The following REEP3 variants were observed in gnomAD, a reference collection of about 807,000 sequenced individuals.
The protein encoded by REEP3 is receptor expression-enhancing protein 3.
REEP3 carries 20 observed loss-of-function variants against 41.3 expected under a neutral mutation model. That is an observed-to-expected ratio of 0.48 (90% CI 0.34 to 0.70). The LOEUF (loss-of-function observed/expected upper bound fraction) is 0.70, where lower values mean the gene tolerates loss of function less well. Ranked by LOEUF, REEP3 falls within the 30% of genes least tolerant of loss-of-function variation. The pLI, the probability that REEP3 is intolerant of heterozygous loss-of-function variation, is 0.01. For synonymous variants in REEP3, 104 were observed against 101.8 expected, an observed-to-expected ratio of 1.02 and a Z score of -0.13; for missense variants, 271 against 308.8, an observed-to-expected ratio of 0.88 and a Z score of 0.92.
In REEP3 at chr10:63,593,255, TTA is replaced by T. The variant is rs543170464; in HGVS notation, c.106-1516_106-1515del. ...TAAAACTAATAGGTCAATTTCCCAG[TTA>T]TATATAAGGACCTAAATTTTTTTGT... On this transcript the variant is annotated intron_variant, in intron 2 of 7. Coordinates refer to ENST00000373758, the MANE Select transcript of REEP3 (RefSeq NM_001001330.3). 7.0e-3 allele frequency among the ~76,000 whole-genome samples: 1,069 copies of T among 152,276 alleles called. 5 individuals carry two copies. The highest frequency in any genetic ancestry group is 9.9e-3 in the Non-Finnish European group (670 of 68,012).
chr10:63,615,678 G>A (rs996207768), intron 6 of REEP3, among the ~76,000 whole-genome samples: 40 of 152,004 alleles, frequency 2.6e-4, no homozygotes, highest in African/African-American at 8.9e-4. Flanking sequence ...CCGAGTAGCT[G>A]GGATTACAGG....
At chr10:63,521,662 G>C (rs1409486785) in intron 1 of REEP3, 85 bp downstream of exon 1, 2 of 1,017,604 alleles carry the variant, frequency 2.0e-6, no homozygotes, top group South Asian at 2.8e-5. Context: ...GAAAGGGAAG[G>C]CCTGGGCCTG....
intron 1 of REEP3, among the ~76,000 whole-genome samples, chr10:63,527,789 C>T (rs59608058): frequency 0.15 from 22,095 of 152,110 alleles, 3,812 homozygotes; most frequent in African/African-American, 0.42. Flanking sequence ...AGACTTTTCT[C>T]TCCTTCCACT....
chr10:63,597,541 C>G (rs923790362), intron 3 of REEP3, among the ~76,000 whole-genome samples: 17 of 152,206 alleles, frequency 1.1e-4, no homozygotes, highest in African/African-American at 1.7e-4. Context: ...TCAGGTCACA[C>G]ATTCATGAAC....
At chr10:63,604,711 T>TA (rs1956207334) in intron 5 of REEP3, among the ~76,000 whole-genome samples, 2 of 152,262 alleles carry the variant, frequency 1.3e-5, no homozygotes, top group South Asian at 4.1e-4. Context: ...CTATTTTTCC[T>TA]AAAATCTAGG....
At chr10:63,618,237 C>CTTTTTTTTTTTTTT (rs60115766) in intron 6 of REEP3, among the ~76,000 whole-genome samples, 3 of 66,594 alleles carry the variant, frequency 4.5e-5, no homozygotes, top group Non-Finnish European at 5.8e-5. Context: ...TTTCCTTCTT[C>CTTTTTTTTTTTTTT]TTTTTTTTTT....
rs1254777402 is a variant in REEP3 at position 63,523,998 on chromosome 10, T to TAGCTCAA, written c.32+2421_32+2422insAGCTCAA. 9.2e-4 allele frequency among the ~76,000 whole-genome samples: 140 copies of TAGCTCAA among 152,178 alleles called. 2 individuals are homozygous for TAGCTCAA. The highest frequency in any genetic ancestry group is 4.0e-4 in the Non-Finnish European group (27 of 68,010). ...CAGTTAAAGTACTTGAGCTACAGAA[T>TAGCTCAA]GTAAGGTTTGAGGCTAACGACAGGG... On this transcript the variant is annotated intron_variant, in intron 1 of 7. Transcript: ENST00000373758.
chr10:63,561,924 A>T (rs2133371540), intron 1 of REEP3, among the ~76,000 whole-genome samples: 1 of 152,328 alleles, frequency 6.6e-6, no homozygotes, highest in African/African-American at 2.4e-5. Flanking sequence ...TAATACTTTG[A>T]TTGTATCCAA....
At chr10:63,553,667 T>C (rs1252638800) in intron 1 of REEP3, among the ~76,000 whole-genome samples, 1 of 152,164 alleles carries the variant, frequency 6.6e-6, no homozygotes, top group East Asian at 1.9e-4. Flanking sequence ...TTGCACAGAA[T>C]AGGGTAGAAT....
chr10:63,556,926 C>T (rs887797182), intron 1 of REEP3, among the ~76,000 whole-genome samples: 2 of 151,992 alleles, frequency 1.3e-5, no homozygotes, highest in Non-Finnish European at 2.9e-5. Flanking sequence ...TGAGCCACCG[C>T]GCCCGGCCTT....
chr10:63,617,392 C>G (rs1956319686), intron 6 of REEP3, among the ~76,000 whole-genome samples: 1 of 152,118 alleles, frequency 6.6e-6, no homozygotes, highest in Admixed American at 6.5e-5. Flanking sequence ...CTTAGAAGAG[C>G]AGACCAATAA....
intron 1 of REEP3, among the ~76,000 whole-genome samples, chr10:63,534,157 A>G (rs991438669): frequency 2.6e-5 from 4 of 152,218 alleles, no homozygotes; most frequent in African/African-American, 9.6e-5. Context: ...TAAATTGGAA[A>G]TAAACTTTTT....
At chr10:63,524,153 C>A (rs1414803727) in intron 1 of REEP3, among the ~76,000 whole-genome samples, 1 of 152,170 alleles carries the variant, frequency 6.6e-6, no homozygotes, top group East Asian at 1.9e-4. Context: ...AAACATCATT[C>A]TATTTTTCCT....
At chr10:63,618,686 A>G (rs1275339712) in intron 6 of REEP3, among the ~76,000 whole-genome samples, 1 of 152,230 alleles carries the variant, frequency 6.6e-6, no homozygotes, top group East Asian at 1.9e-4. Flanking sequence ...GACCATGAGC[A>G]CAAGCATTAC....
intron 3 of REEP3, among the ~76,000 whole-genome samples, chr10:63,597,534 G>C (rs978302895): frequency 1.6e-4 from 25 of 152,308 alleles, no homozygotes; most frequent in Admixed American, 3.3e-4. Flanking sequence ...GAATCTCTCA[G>C]GTCACACATT....
At chr10:63,539,549 T>C (rs1236643920) in intron 1 of REEP3, among the ~76,000 whole-genome samples, 2 of 152,140 alleles carry the variant, frequency 1.3e-5, no homozygotes, top group Non-Finnish European at 2.9e-5. Flanking sequence ...TCACAGCTAC[T>C]CAGGAGGCTG....
chr10:63,562,214 G>A (rs1375396185), intron 1 of REEP3, among the ~76,000 whole-genome samples: 1 of 151,628 alleles, frequency 6.6e-6, no homozygotes, highest in African/African-American at 2.4e-5. Context: ...TGGCAGTTCA[G>A]TGAAGTCGCT....
At chr10:63,589,652 A>G (rs115911890) in intron 2 of REEP3, among the ~76,000 whole-genome samples, 6,920 of 152,192 alleles carry the variant, frequency 0.045, 244 homozygotes, top group African/African-American at 0.086. Flanking sequence ...GCACGCCACT[A>G]TACTTTATTG....
At chr10:63,594,068 A>G (rs894510919) in intron 2 of REEP3, among the ~76,000 whole-genome samples, 12 of 152,096 alleles carry the variant, frequency 7.9e-5, no homozygotes, top group African/African-American at 2.2e-4. Flanking sequence ...CTTATACTAT[A>G]TTATTTATGT....
Sources: gnomAD v4.1 joint callset for allele counts (sites outside exome capture counted in the v4.1 genomes callset) on GRCh38, gnomAD v4.1.1 for gene constraint, MANE v1.5 for transcripts, NCBI Gene and HGNC (gene_info 2026-07-23, HGNC 2026-07-21) for gene names.